CNTN4: variants seen among roughly 807,000 people sequenced by gnomAD.
The protein encoded by CNTN4 is contactin 4.
Under a neutral mutation model 122.5 loss-of-function variants are expected in CNTN4, and 77 were observed. The observed-to-expected ratio is 0.63, with a 90% CI of 0.52 to 0.76. CNTN4 has a LOEUF of 0.76. Among genes scored for constraint, CNTN4 ranks in the 30% least tolerant of loss-of-function variants. The pLI is 0.00. For synonymous variants in CNTN4, 512 were observed against 447.0 expected (o/e 1.15, Z -1.83); for missense variants, 1,256 against 1,259.1 (o/e 1.00, Z 0.04).
At chr3:2,623,261 G>T (rs77070856) in intron 4 of CNTN4, among the ~76,000 whole-genome samples, 2,015 of 149,814 alleles carry the variant, frequency 0.013, 42 homozygotes, top group African/African-American at 0.047. Flanking sequence ...TATTCTCATG[G>T]TTTTTTTCCC....
intron 4 of CNTN4, among the ~76,000 whole-genome samples, chr3:2,575,451 C>T (rs929182854): frequency 1.3e-5 from 2 of 152,084 alleles, no homozygotes; most frequent in African/African-American, 2.4e-5. Flanking sequence ...GCAGAGGTTG[C>T]AGTGAGCCGA....
chr3:2,285,965 A>T (rs756148709), intron 2 of CNTN4, among the ~76,000 whole-genome samples: 4 of 152,092 alleles, frequency 2.6e-5, no homozygotes, highest in Non-Finnish European at 5.9e-5. Flanking sequence ...CCTGCAGTGG[A>T]ATTGCTGAAT....
At chr3:2,766,903 A>T (rs2090886041) in intron 6 of CNTN4, among the ~76,000 whole-genome samples, 1 of 152,288 alleles carries the variant, frequency 6.6e-6, no homozygotes, top group Middle Eastern at 3.4e-3. Flanking sequence ...TGTGTGACAA[A>T]GTCCATGTTG....
chr3:2,280,393 C>CT lies in CNTN4; in HGVS notation c.-144-58779dup, dbSNP rs1219179831. Among the ~76,000 whole-genome samples, 3 of 152,256 alleles carry CT rather than the reference C, an allele frequency of 2.0e-5. No individual in the cohort carries two copies. The South Asian group carries it at 6.2e-4, about 32-fold the overall frequency. ...GAGTAAAATAATGAATCACTACTCC[C>CT]TTTTTTGTTTCTTATTTTGTTTGTT... is the stretch of plus-strand genomic sequence containing the variant. On this transcript the variant is annotated intron_variant, in intron 2 of 24. Coordinates refer to ENST00000418658, the MANE Select transcript of CNTN4 (RefSeq NM_175607.3).
chr3:3,002,287 G>A (rs1292482553), intron 14 of CNTN4, among the ~76,000 whole-genome samples: 1 of 152,160 alleles, frequency 6.6e-6, no homozygotes, highest in Non-Finnish European at 1.5e-5. Flanking sequence ...ATCAGTAGGT[G>A]CACCAGTCTG....
chr3:2,528,878 A>G (rs2077494777), intron 3 of CNTN4, among the ~76,000 whole-genome samples: 1 of 152,070 alleles, frequency 6.6e-6, no homozygotes, highest in African/African-American at 2.4e-5. Flanking sequence ...GTCTCAATGC[A>G]TCCAATATAT....
In CNTN4 at chr3:2,492,806, C is replaced by T. The variant is rs543645028; in HGVS notation, c.-88-78610C>T. Among the ~76,000 whole-genome samples the T allele has an allele frequency of 3.9e-4, 59 of 152,150 alleles. 1 individual carries two copies. In the Middle Eastern group the frequency reaches 0.01, roughly 26 times the overall value. ...TTTGTTGATATCGTTTAGGAAGAAC[C>T]GCATGCCAGTACCCTAATTAACAAA... On this transcript the variant is annotated intron_variant, in intron 3 of 24. Coordinates refer to ENST00000418658, the MANE Select transcript of CNTN4 (RefSeq NM_175607.3).
intron 4 of CNTN4, among the ~76,000 whole-genome samples, chr3:2,585,590 C>T (rs1373665889): frequency 2.9e-4 from 44 of 149,386 alleles, no homozygotes; most frequent in Non-Finnish European, 1.2e-4. Context: ...ATCGCATGGA[C>T]AAAAAACCAA....
intron 2 of CNTN4, among the ~76,000 whole-genome samples, chr3:2,136,616 G>A (rs1017247409): frequency 6.6e-6 from 1 of 151,904 alleles, no homozygotes; most frequent in Non-Finnish European, 1.5e-5. Flanking sequence ...TGTTGTATTT[G>A]AGAAGCGACG....
At chr3:2,464,682 CA>C (rs1393228602) in intron 3 of CNTN4, among the ~76,000 whole-genome samples, 1 of 152,144 alleles carries the variant, frequency 6.6e-6, no homozygotes, top group African/African-American at 2.4e-5. Flanking sequence ...CAGGTTGGAA[CA>C]AAATGCATTT....
At chr3:2,850,376 C>T (rs142945104) in intron 7 of CNTN4, among the ~76,000 whole-genome samples, 1 of 152,286 alleles carries the variant, frequency 6.6e-6, no homozygotes, top group African/African-American at 2.4e-5. Context: ...AGTTTCTTTC[C>T]AAGGATAGAC....
chr3:2,929,775 T>C (rs1323513159), intron 13 of CNTN4, among the ~76,000 whole-genome samples: 1 of 152,176 alleles, frequency 6.6e-6, no homozygotes, highest in Non-Finnish European at 1.5e-5. Context: ...GTGAGTCATG[T>C]GCTTATCCTA....
At chr3:2,962,390 C>T (rs2094870253) in intron 13 of CNTN4, among the ~76,000 whole-genome samples, 1 of 152,172 alleles carries the variant, frequency 6.6e-6, no homozygotes, top group Non-Finnish European at 1.5e-5. Context: ...TCTTTGTTCA[C>T]CAGGCTAAAT....
chr3:2,469,039 C>T (rs1409808606), intron 3 of CNTN4, among the ~76,000 whole-genome samples: 2 of 152,110 alleles, frequency 1.3e-5, no homozygotes, highest in South Asian at 2.1e-4. Flanking sequence ...TCACTGTGGT[C>T]GAGCTCATTG....
At chr3:2,473,243 A>AC (rs1356866006) in intron 3 of CNTN4, among the ~76,000 whole-genome samples, 11 of 109,396 alleles carry the variant, frequency 1.0e-4, no homozygotes, top group African/African-American at 4.1e-4. Flanking sequence ...AAAAAAAAAA[A>AC]AAAAAAAAAC....
chr3:2,191,307 C>G (rs187811965), intron 2 of CNTN4, among the ~76,000 whole-genome samples: 3 of 150,232 alleles, frequency 2.0e-5, no homozygotes, highest in Admixed American at 2.0e-4. Context: ...CCAGATTATT[C>G]TCAAGTTTAC....
rs1416792671 is a variant in CNTN4 at position 3,040,064 on chromosome 3, C to T, written c.2191C>T (p.Arg731Ter). 3 of 1,613,414 alleles carry T rather than the reference C, an allele frequency of 1.9e-6. No individual in the cohort carries two copies. Among genetic ancestry groups the T allele is most frequent in the South Asian group, 2.2e-5 (2 of 91,046 alleles). ...GGTCCCTGAGGAATTACAGAATGGTCGAGGCTTTGGTTATGTGGTGGCCTT... is the reference window on the plus strand; with the variant it reads ...GGTCCCTGAGGAATTACAGAATGGTTGAGGCTTTGGTTATGTGGTGGCCTT... ...ETVPEELQNG[R>*]GFGYVVAFRP... The change falls in exon 20 of 25, where the codon CGA (arginine) becomes TGA (stop). Residue 731 changes from arginine to a stop codon, truncating the protein, a stop_gained. Coordinates refer to ENST00000418658, the MANE Select transcript of CNTN4 (RefSeq NM_175607.3). LOFTEE classifies it high-confidence loss of function.
At chr3:2,154,868 A>G (rs79710197) in intron 2 of CNTN4, among the ~76,000 whole-genome samples, 2,234 of 152,354 alleles carry the variant, frequency 0.015, 44 homozygotes, top group African/African-American at 0.051. Context: ...TACGGAGGAA[A>G]TGAAATCACT....
At chr3:3,043,762 C>G (rs1203869078) in intron 23 of CNTN4, 58 bp downstream of exon 23, 10 of 1,078,550 alleles carry the variant, frequency 9.3e-6, no homozygotes, top group Non-Finnish European at 1.4e-5. Context: ...GGGCAGTCTC[C>G]TCCATGAATT....
Sources: allele counts gnomAD v4.1 joint callset (sites outside exome capture counted in the v4.1 genomes callset), GRCh38; gene constraint gnomAD v4.1.1; transcripts MANE v1.5; gene names NCBI Gene and HGNC (gene_info 2026-07-23, HGNC 2026-07-21).